Variants in AKAP10 observed in about 807,000 individuals in gnomAD.
AKAP10 encodes the protein A-kinase anchor protein 10, mitochondrial.
AKAP10 carries 24 observed loss-of-function variants against 80.8 expected under a neutral mutation model. The ratio of observed to expected loss-of-function variants is 0.30; its 90% confidence interval spans 0.22 to 0.42. AKAP10 has a LOEUF of 0.42. Among genes scored for constraint, AKAP10 ranks in the 10% least tolerant of loss-of-function variants. The pLI is 1.00. For synonymous variants in AKAP10, 291 were observed against 277.7 expected (o/e 1.05, Z -0.48); for missense variants, 661 against 794.9 (o/e 0.83, Z 2.03).
At chr17:19,947,166 A>G in intron 5 of AKAP10, 1 of 474,074 alleles carries the variant, frequency 2.1e-6, no homozygotes, top group East Asian at 4.0e-5. Flanking sequence ...AGCAGCGGGC[A>G]GGCCTGAGCA....
chr17:19,938,734 T>G lies in AKAP10; in HGVS notation c.1322+979A>C, dbSNP rs566540875. ...TACAAATAACAAATTACCTTTGTTG[T>G]TTTTTTTTTTTTTGGAGACAGGGTC... On this transcript the variant is annotated intron_variant, in intron 8 of 14. Transcript: ENST00000225737. Among the ~76,000 whole-genome samples, 12 of 133,926 alleles carry G rather than the reference T, an allele frequency of 9.0e-5. No homozygotes were observed. In the East Asian group the frequency reaches 2.8e-3, roughly 31 times the overall value. 87.9% of individuals were successfully genotyped at this position (133,926 alleles called of 152,430 possible).
chr17:19,946,648 T>A (rs1395819746), intron 5 of AKAP10, among the ~76,000 whole-genome samples: 2 of 146,104 alleles, frequency 1.4e-5, no homozygotes, highest in Admixed American at 1.4e-4. Context: ...GTCCAACATA[T>A]AAGAAAAACT....
At chr17:19,925,357 T>C (rs941741227) in intron 10 of AKAP10, among the ~76,000 whole-genome samples, 10 of 152,154 alleles carry the variant, frequency 6.6e-5, no homozygotes, top group African/African-American at 2.4e-4. Context: ...ATGTTTTTGA[T>C]TCTTGGTGAG....
intron 13 of AKAP10, 152 bp from the exon 14 acceptor site, chr17:19,909,428 C>G (rs1255449991): frequency 1.5e-6 from 1 of 654,872 alleles, no homozygotes; most frequent in African/African-American, 1.9e-5. Flanking sequence ...CCTGGGCCAC[C>G]CTCTGGCTAT....
chr17:19,946,724 A>T (rs937733013), intron 5 of AKAP10, among the ~76,000 whole-genome samples: 13 of 150,488 alleles, frequency 8.6e-5, no homozygotes, highest in African/African-American at 3.2e-4. Flanking sequence ...GTTACGTGAA[A>T]CTGGGACTGG....
intron 10 of AKAP10, among the ~76,000 whole-genome samples, chr17:19,927,178 GA>G (rs1052118052): frequency 6.6e-6 from 1 of 150,852 alleles, no homozygotes; most frequent in Non-Finnish European, 1.5e-5. Context: ...TCTACAAACA[GA>G]AAAAAAAAGC....
intron 7 of AKAP10, 21 bp from the exon 8 acceptor site, chr17:19,939,870 AG>A: frequency 6.2e-7 from 1 of 1,605,698 alleles, no homozygotes; most frequent in Non-Finnish European, 8.5e-7. Context: ...AAAATACACA[AG>A]GGAAAATAAG....
intron 9 of AKAP10, among the ~76,000 whole-genome samples, chr17:19,935,525 T>C (rs1459898438): frequency 2.0e-5 from 3 of 152,202 alleles, no homozygotes; most frequent in East Asian, 1.9e-4. Flanking sequence ...TTTGACTCTG[T>C]TGTCATAACA....
chr17:19,970,749 G>A (rs1401693810), intron 1 of AKAP10, among the ~76,000 whole-genome samples: 1 of 152,080 alleles, frequency 6.6e-6, no homozygotes, highest in Non-Finnish European at 1.5e-5. Context: ...CTTGAACCCG[G>A]GAGGCCGAGA....
intron 3 of AKAP10, among the ~76,000 whole-genome samples, chr17:19,959,327 G>C (rs1275301653): frequency 6.6e-6 from 1 of 152,058 alleles, no homozygotes; most frequent in East Asian, 1.9e-4. Flanking sequence ...GCAGTAACAA[G>C]GGCACAGGAA....
At chr17:19,945,645 C>T (rs1297379126) in intron 5 of AKAP10, among the ~76,000 whole-genome samples, 1 of 152,094 alleles carries the variant, frequency 6.6e-6, no homozygotes, top group African/African-American at 2.4e-5. Context: ...ATGACATGGA[C>T]CCCAGAATAG....
intron 5 of AKAP10, among the ~76,000 whole-genome samples, chr17:19,946,609 G>T (rs2043135185): frequency 7.0e-6 from 1 of 142,924 alleles, no homozygotes; most frequent in South Asian, 2.2e-4. Flanking sequence ...TGCTGTCATT[G>T]TTATTCAGGT....
chr17:19,947,635 G>A, intron 4 of AKAP10, 130 bp from the exon 5 acceptor site: 1 of 726,388 alleles, frequency 1.4e-6, no homozygotes, highest in Non-Finnish European at 2.4e-6. Flanking sequence ...TCACAAAGGT[G>A]CTTTTTCATT....
rs1479228313 is a variant in AKAP10, at chr17:19,958,542, CTT to C, written c.347_348del (p.Gln116ArgfsTer8). The C allele has an allele frequency of 1.9e-6, 3 of 1,606,058 alleles. No homozygotes were observed. Among genetic ancestry groups the C allele is most frequent in the African/African-American group, 2.7e-5 (2 of 74,882 alleles). ...GTCTTAGAAAGGCTTGATTTGGTCT[CTT>C]GAGTCTGGTAGTCCAGACAAGATCT... ...LGRSCLDYQT[Q>X]ETKSSLSKTL... On this transcript the variant is annotated frameshift_variant, in exon 4 of 15. Transcript: ENST00000225737. LOFTEE classifies it high-confidence loss of function.
In AKAP10 at chr17:19,941,823, T is replaced by G. The variant is rs1473842606; in HGVS notation, c.1061+3A>C. ...CACAATGTGAAAATATGAACTAACT[T>G]ACTCTTGCTCCATTGCACTAAAGAC... On this transcript the variant is annotated splice_donor_region_variant and intron_variant, in intron 6 of 14. Transcript: ENST00000225737. 1 of 1,580,594 alleles carries G rather than the reference T, an allele frequency of 6.3e-7. No homozygotes were observed. Among genetic ancestry groups the G allele is most frequent in the Non-Finnish European group, 8.6e-7 (1 of 1,162,960 alleles).
At chr17:19,955,265 G>C (rs1167066457) in intron 4 of AKAP10, among the ~76,000 whole-genome samples, 2 of 152,048 alleles carry the variant, frequency 1.3e-5, no homozygotes, top group African/African-American at 4.8e-5. Context: ...CAAAGCTATT[G>C]AGACGGAGAA....
At chr17:19,918,990 A>G (rs1258506071) in intron 12 of AKAP10, among the ~76,000 whole-genome samples, 3 of 152,154 alleles carry the variant, frequency 2.0e-5, no homozygotes, top group Admixed American at 6.5e-5. Context: ...GCTTTGTTAC[A>G]TATGTATACA....
chr17:19,928,886 A>G (rs2042903285), intron 10 of AKAP10, among the ~76,000 whole-genome samples: 1 of 152,220 alleles, frequency 6.6e-6, no homozygotes, highest in Admixed American at 6.5e-5. Context: ...AAAAACAAAA[A>G]GAAAACCTGT....
Position 19,904,451 on chromosome 17 carries a change from C to T in AKAP10, c.*1776G>A, listed in dbSNP as rs1357368852. ...TAGAGTCTTGTAGAAATTGTTATTC[C>T]AAAACATGCAGAGGCAGCAAGAGTT... On this transcript the variant is annotated 3_prime_UTR_variant, in exon 15 of 15. Coordinates refer to ENST00000225737, the MANE Select transcript of AKAP10 (RefSeq NM_007202.4). 1 of 152,164 alleles carries T rather than the reference C, an allele frequency of 6.6e-6. No individual in the cohort carries two copies. Among genetic ancestry groups the T allele is most frequent in the Non-Finnish European group, 1.5e-5 (1 of 68,044 alleles). 9.4% of individuals were successfully genotyped at this position (152,164 alleles called of 1,614,324 possible).
Sources: gnomAD v4.1 joint callset for allele counts (sites outside exome capture counted in the v4.1 genomes callset) on GRCh38, gnomAD v4.1.1 for gene constraint, MANE v1.5 for transcripts, NCBI Gene and HGNC (gene_info 2026-07-23, HGNC 2026-07-21) for gene names.